Variants in SYNE2 observed in about 807,000 individuals in gnomAD.
SYNE2 encodes spectrin repeat containing nuclear envelope protein 2.
Under a neutral mutation model 856.3 loss-of-function variants are expected in SYNE2, and 431 were observed. The observed-to-expected ratio is 0.50, with a 90% CI of 0.47 to 0.55. The LOEUF (loss-of-function observed/expected upper bound fraction) is 0.55, where lower values mean the gene tolerates loss of function less well. SYNE2 is among the 20% of genes least tolerant of loss of function. The probability of loss-of-function intolerance (pLI) is 0.00; values close to 1 mark genes in which losing one functional copy is unlikely to be tolerated. For missense variants in SYNE2, 8,129 were observed against 8,023.2 expected, an observed-to-expected ratio of 1.01 and a Z score of -0.50; for synonymous variants, 2,923 against 2,872.3, an observed-to-expected ratio of 1.02 and a Z score of -0.56.
intron 55 of SYNE2, among the ~76,000 whole-genome samples, chr14:64,080,044 CGTGT>C (rs112076744): frequency 2.4e-4 from 36 of 150,388 alleles, no homozygotes; most frequent in African/African-American, 7.3e-4. Flanking sequence ...ATTAAGAGAG[CGTGT>C]GTGTGTGTGT....
rs549426647 is a variant in SYNE2, at chr14:63,769,563, G to A, written c.-305+7577G>A. Among the ~76,000 whole-genome samples the A allele has an allele frequency of 7.2e-5, 11 of 152,030 alleles. No individual in the cohort carries two copies. The East Asian group carries it at 2.1e-3, about 30-fold the overall frequency. On this transcript the variant is annotated intron_variant, in intron 1 of 23. Transcript: ENST00000674003. ...GGCGCCGGTAGTCCCAGCTACTTCG[G>A]GAGGCTGAGACAGGTGAATGGCGTG...
chr14:64,066,510 A>G (rs569473576), intron 51 of SYNE2, among the ~76,000 whole-genome samples: 1 of 152,314 alleles, frequency 6.6e-6, no homozygotes, highest in South Asian at 2.1e-4. Flanking sequence ...CTCAAAAACA[A>G]ACAAACAAAA....
chr14:64,072,585 G>A (rs957071878), intron 52 of SYNE2, among the ~76,000 whole-genome samples: 6 of 151,616 alleles, frequency 4.0e-5, no homozygotes, highest in South Asian at 2.1e-4. Flanking sequence ...CTGCAAACTC[G>A]GCTTCCTGAG....
At position 64,163,415 on chromosome 14, in the gene SYNE2, A is replaced by G. The variant is rs374348890; in HGVS notation, c.16313A>G (p.Asp5438Gly). The G allele has an allele frequency of 3.7e-5, 59 of 1,613,904 alleles. No individual in the cohort carries two copies. Among genetic ancestry groups the G allele is most frequent in the Non-Finnish European group, 4.7e-5 (56 of 1,180,032 alleles). The change falls in exon 89 of 116, where the codon GAT (aspartate) becomes GGT (glycine). Residue 5438 changes from aspartate to glycine, a missense_variant. By Grantham distance (94) the Asp-to-Gly change is moderately conservative (BLOSUM62 -1). Around this residue, in one of 3 missense-constraint regions of SYNE2, gnomAD observed 5,410 missense variants for 5,284.8 expected, o/e 1.02. Coordinates refer to ENST00000555002, the MANE Select transcript of SYNE2 (RefSeq NM_182914.3). ...TTTCTTCTGCAGGAGCTGCAGCATG[A>G]TGTGCAGAAAACAAAAGAAGCCTTT... ...ALQDIKELQH[D>G]VQKTKEAFLQ...
chr14:63,859,112 C>T (rs968383385), intron 1 of SYNE2, among the ~76,000 whole-genome samples: 2 of 151,946 alleles, frequency 1.3e-5, no homozygotes, highest in Non-Finnish European at 2.9e-5. Context: ...CATTTGTTCC[C>T]AGCCATCTAC....
At chr14:63,855,119 A>T (rs1258014642) in intron 1 of SYNE2, among the ~76,000 whole-genome samples, 1 of 152,180 alleles carries the variant, frequency 6.6e-6, no homozygotes, top group East Asian at 1.9e-4. Context: ...GATATTTTAC[A>T]TAGATTACCT....
intron 1 of SYNE2, among the ~76,000 whole-genome samples, chr14:63,765,793 A>G (rs1243944150): frequency 6.9e-6 from 1 of 144,806 alleles, no homozygotes; most frequent in Non-Finnish European, 1.5e-5. Context: ...GATTGCTGCG[A>G]AACATTAAGT....
intron 1 of SYNE2, among the ~76,000 whole-genome samples, chr14:63,778,077 C>A (rs1443408835): frequency 1.3e-5 from 2 of 152,162 alleles, no homozygotes; most frequent in Non-Finnish European, 2.9e-5. Context: ...CAAATCTCAT[C>A]TTGTATTGTA....
Position 64,002,845 on chromosome 14 carries a change from C to A in SYNE2, c.3912C>A (p.Tyr1304Ter). The A allele has an allele frequency of 6.2e-7, 1 of 1,614,054 alleles. No individual in the cohort carries two copies. The change falls in exon 30 of 116, where the codon TAC (tyrosine) becomes TAA (stop). Residue 1304 changes from tyrosine to a stop codon, truncating the protein, a stop_gained. Transcript: ENST00000555002. LOFTEE classifies it high-confidence loss of function. ...CAATGCAGAATATTATACTGAAATA[C>A]AAAACACAATTTGAAGGAATGAACC... ...LHAMQNIILK[Y>*]KTQFEGMNHR...
chr14:63,977,872 G>T (rs1220178716), intron 12 of SYNE2, 33 bp from the exon 13 acceptor site: 2 of 1,405,578 alleles, frequency 1.4e-6, no homozygotes, highest in East Asian at 4.6e-5. Context: ...TTGGCAATAA[G>T]TATCGTTTAT....
intron 1 of SYNE2, among the ~76,000 whole-genome samples, chr14:63,777,066 C>CA (rs1387178607): frequency 6.6e-6 from 1 of 152,172 alleles, no homozygotes; most frequent in Non-Finnish European, 1.5e-5. Context: ...TACCTTTAAA[C>CA]AAAATCACAT....
chr14:64,076,740 A>ATTT lies in SYNE2; in HGVS notation c.11022+656_11022+658dup, dbSNP rs35509549. Among the ~76,000 whole-genome samples the ATTT allele has an allele frequency of 5.8e-3, 709 of 122,156 alleles. 7 individuals carry two copies. Among genetic ancestry groups the ATTT allele is most frequent in the African/African-American group, 0.02 (693 of 34,994 alleles). The allele number at this position is 122,156 out of a possible 152,430, so 80.1% of individuals were successfully genotyped here. On this transcript the variant is annotated intron_variant, in intron 54 of 115. Transcript: ENST00000555002. ...TGTTTGGTCTGGTATCCACAGAAGGATTTTTTTTTTTTTTTTTTGTCTAGA... is the reference window on the plus strand; with the variant it reads ...TGTTTGGTCTGGTATCCACAGAAGGATTTTTTTTTTTTTTTTTTTTTGTCTAGA...
At chr14:64,121,098 A>G in intron 68 of SYNE2, 37 bp downstream of exon 68, 1 of 1,613,302 alleles carries the variant, frequency 6.2e-7, no homozygotes, top group African/African-American at 1.3e-5. Flanking sequence ...GGACTAGAAT[A>G]TAACTTTTTA....
chr14:64,093,270 TG>T lies in SYNE2; in HGVS notation c.11977-75del. ...TTGCTGTGAGTGATTAAAACTTCCA[TG>T]GGGCTAGACAATGAAAATAGTCCAT... On this transcript the variant is annotated intron_variant, in intron 60 of 115. Transcript: ENST00000555002. 9 of 1,550,056 alleles carry T rather than the reference TG, an allele frequency of 5.8e-6. No individual in the cohort carries two copies. In the South Asian group the frequency reaches 1.0e-4, roughly 18 times the overall value.
At chr14:63,835,566 C>CGTGTGT (rs10557777) in intron 1 of SYNE2, among the ~76,000 whole-genome samples, 46 of 149,468 alleles carry the variant, frequency 3.1e-4, no homozygotes, top group African/African-American at 8.4e-4. Context: ...TAGATATTTG[C>CGTGTGT]GTGTGTGTGT....
At chr14:63,974,448 C>T (rs2096512531) in intron 11 of SYNE2, among the ~76,000 whole-genome samples, 1 of 152,240 alleles carries the variant, frequency 6.6e-6, no homozygotes, top group East Asian at 1.9e-4. Context: ...AACCAGCACT[C>T]ATGGGAACTC....
At chr14:64,165,557 G>A (rs2098371187) in intron 90 of SYNE2, 147 bp downstream of exon 90, 4 of 900,736 alleles carry the variant, frequency 4.4e-6, no homozygotes, top group African/African-American at 1.8e-5. Context: ...CTGTCACCCA[G>A]GCTGGAGTGC....
chr14:63,986,454 A>G lies in SYNE2; in HGVS notation c.2152-2A>G. On this transcript the variant is annotated splice_acceptor_variant, in intron 18 of 115. Transcript: ENST00000555002. LOFTEE classifies it high-confidence loss of function. ...TCTCAGTGGTACTTTTGAATGTTGTAGGCTGGAGAGAAACATGAAAAAGAA... is the reference window on the plus strand; with the variant it reads ...TCTCAGTGGTACTTTTGAATGTTGTGGGCTGGAGAGAAACATGAAAAAGAA... 1 of 1,614,042 alleles carries G rather than the reference A, an allele frequency of 6.2e-7. No individual in the cohort carries two copies. The highest frequency in any genetic ancestry group is 8.5e-7 in the Non-Finnish European group (1 of 1,179,972).
chr14:63,938,823 A>G (rs544068289), intron 2 of SYNE2, among the ~76,000 whole-genome samples: 1 of 152,330 alleles, frequency 6.6e-6, no homozygotes, highest in South Asian at 2.1e-4. Context: ...CCGTGGAAGC[A>G]CTTTAGGACT....
Sources: gnomAD v4.1 joint callset for allele counts (sites outside exome capture counted in the v4.1 genomes callset) on GRCh38, gnomAD v4.1.1 for gene constraint, gnomAD v4.1.1 regional missense constraint, MANE v1.5 for transcripts, NCBI Gene and HGNC (gene_info 2026-07-23, HGNC 2026-07-21) for gene names.